The following UGT1A4 variants were observed in gnomAD, a reference collection of about 807,000 sequenced individuals.
UGT1A4 encodes UDP-glucuronosyltransferase 1A4.
UGT1A4 carries 32 observed loss-of-function variants against 41.1 expected under a neutral mutation model. The observed-to-expected ratio is 0.78, with a 90% CI of 0.59 to 1.05. UGT1A4 has a LOEUF of 1.05. Ranked by LOEUF, UGT1A4 falls within the 50% of genes least tolerant of loss-of-function variation. UGT1A4 has a pLI of 0.00. For missense variants in UGT1A4, 748 were observed against 677.4 expected, an observed-to-expected ratio of 1.10 and a Z score of -1.16; for synonymous variants, 283 against 265.1, an observed-to-expected ratio of 1.07 and a Z score of -0.66.
chr2:233,766,580 G>A (rs1699191238), intron 1 of UGT1A4, among the ~76,000 whole-genome samples: 1 of 152,180 alleles, frequency 6.6e-6, no homozygotes, highest in Admixed American at 6.5e-5. Context: ...AGGTCTGGGG[G>A]TGGAGCCCTC....
intron 1 of UGT1A4, chr2:233,760,508 A>T (rs983416663): frequency 5.0e-6 from 8 of 1,614,272 alleles, no homozygotes; most frequent in Non-Finnish European, 6.8e-6. Flanking sequence ...GGAGCATTTT[A>T]CACCTTGAAG....
chr2:233,724,371 C>A (rs1285685419), intron 1 of UGT1A4, among the ~76,000 whole-genome samples: 1 of 147,620 alleles, frequency 6.8e-6, no homozygotes, highest in Non-Finnish European at 1.5e-5. Flanking sequence ...GACGGGGTGG[C>A]TGCCGGGCGG....
At chr2:233,764,440 T>C (rs763083993) in intron 1 of UGT1A4, among the ~76,000 whole-genome samples, 3 of 152,220 alleles carry the variant, frequency 2.0e-5, no homozygotes, top group Non-Finnish European at 2.9e-5. Context: ...TGAACTTTTG[T>C]GCCATTTAAA....
intron 1 of UGT1A4, among the ~76,000 whole-genome samples, chr2:233,757,643 G>T (rs955610345): frequency 6.7e-6 from 1 of 150,102 alleles, no homozygotes; most frequent in Admixed American, 6.6e-5. Context: ...AGAACAAAAT[G>T]CTGTTTTTCT....
In UGT1A4 at chr2:233,767,159, T is replaced by G. The variant is rs1291449017; in HGVS notation, c.993T>G (p.Pro331=). 1.2e-6 allele frequency: 2 copies of G among 1,613,988 alleles called. No homozygotes were observed. Among genetic ancestry groups the G allele is most frequent in the East Asian group, 4.5e-5 (2 of 44,876 alleles). ...TTGCTGATGCTTTGGGCAAAATCCCTCAGACAGTAAGAAGATTCTATACCA... is the reference window on the plus strand; with the variant it reads ...TTGCTGATGCTTTGGGCAAAATCCCGCAGACAGTAAGAAGATTCTATACCA... ...MAIADALGKI[P]QTVLWRYTGT... Residue 331 remains proline (P), a synonymous_variant, in exon 2 of 5, where the codon CCT becomes CCG. Coordinates refer to ENST00000373409, the MANE Select transcript of UGT1A4 (RefSeq NM_007120.3).
chr2:233,718,871 G>A lies in UGT1A4; in HGVS notation c.51G>A (p.Leu17=), dbSNP rs1468501233. ...VPLPRLATGL[L]LLLSVQPWAE... is the part of the protein sequence containing the mutation. ...TGCCGCGGCTGGCCACAGGACTGCT[G>A]CTCCTCCTCAGTGTCCAGCCCTGGG... Residue 17 remains leucine (L), a synonymous_variant, in exon 1 of 5, where the codon CTG becomes CTA. Coordinates refer to ENST00000373409, the MANE Select transcript of UGT1A4 (RefSeq NM_007120.3). The A allele has an allele frequency of 1.9e-6, 3 of 1,613,900 alleles. No homozygotes were observed. The highest frequency in any genetic ancestry group is 2.5e-6 in the Non-Finnish European group (3 of 1,179,936).
intron 1 of UGT1A4, among the ~76,000 whole-genome samples, chr2:233,761,552 A>T (rs1697800499): frequency 6.6e-6 from 1 of 152,250 alleles, no homozygotes; most frequent in Admixed American, 6.5e-5. Context: ...TGATGATGAT[A>T]GATCCTGGAA....
intron 1 of UGT1A4, chr2:233,747,383 G>C: frequency 6.2e-7 from 1 of 1,605,558 alleles, no homozygotes; most frequent in Non-Finnish European, 8.5e-7. Context: ...GAGGCCACCA[G>C]GCGGTGGTCC....
rs4124874 is a variant in UGT1A4, at chr2:233,757,013, T to G, written c.868-10021T>G. On this transcript the variant is annotated intron_variant, in intron 1 of 4. Coordinates refer to ENST00000373409, the MANE Select transcript of UGT1A4 (RefSeq NM_007120.3). ...AAGCTGGCCAAGGGTAGAGTTCAGT[T>G]TGAACAAAGCAATTTGAGAACATCA... Among the ~76,000 whole-genome samples the G allele has an allele frequency of 0.56, 83,838 of 151,034 alleles. 25,476 individuals are homozygous for G. The highest frequency in any genetic ancestry group is 0.82 in the African/African-American group (33,726 of 41,116).
intron 1 of UGT1A4, among the ~76,000 whole-genome samples, chr2:233,734,963 T>C (rs1419315489): frequency 6.6e-6 from 1 of 152,234 alleles, no homozygotes; most frequent in Admixed American, 6.5e-5. Context: ...ATAAGTGTGA[T>C]GTGGTGCTGA....
rs923317009 is a variant in UGT1A4, at chr2:233,730,111, C to T, written c.867+10424C>T. On this transcript the variant is annotated intron_variant, in intron 1 of 4. Transcript: ENST00000373409. ...CTTTCCAAATATTTCATTTCTGCTT[C>T]TCCTTGTCATAATAGCCTTCAGTGA... The T allele has an allele frequency of 2.6e-6, 4 of 1,566,198 alleles. No individual in the cohort carries two copies. In the African/African-American group the frequency reaches 4.1e-5, roughly 16 times the overall value.
chr2:233,731,446 C>G (rs1336068752), intron 1 of UGT1A4, among the ~76,000 whole-genome samples: 3 of 152,132 alleles, frequency 2.0e-5, no homozygotes, highest in Non-Finnish European at 4.4e-5. Flanking sequence ...GTCCCCCACC[C>G]CACAACAGGC....
chr2:233,759,839 C>T (rs1697267219), intron 1 of UGT1A4, among the ~76,000 whole-genome samples: 1 of 152,144 alleles, frequency 6.6e-6, no homozygotes, highest in South Asian at 2.1e-4. Context: ...AGTGGGCACT[C>T]TTACAGGTTT....
At chr2:233,730,892 ACTC>A (rs1261196505) in intron 1 of UGT1A4, among the ~76,000 whole-genome samples, 1 of 151,952 alleles carries the variant, frequency 6.6e-6, no homozygotes, top group African/African-American at 2.4e-5. Context: ...AGTGGGATCT[ACTC>A]CTTTACCAAA....
chr2:233,743,668 G>A (rs898129248), intron 1 of UGT1A4: 18 of 1,367,120 alleles, frequency 1.3e-5, no homozygotes, highest in African/African-American at 4.5e-5. Flanking sequence ...AGGGGTCCTC[G>A]AAGGGCCTGC....
At chr2:233,764,567 G>A (rs1310538826) in intron 1 of UGT1A4, among the ~76,000 whole-genome samples, 3 of 152,182 alleles carry the variant, frequency 2.0e-5, no homozygotes, top group Admixed American at 6.5e-5. Context: ...GCCTGGAGGA[G>A]AACTTAGACT....
chr2:233,721,857 G>A (rs12475934), intron 1 of UGT1A4: 43,430 of 508,934 alleles, frequency 0.085, 2,681 homozygotes, highest in East Asian at 0.2. Context: ...CCCACTGCTC[G>A]GCCCTGGGCA....
chr2:233,745,084 T>A (rs1035924071), intron 1 of UGT1A4, among the ~76,000 whole-genome samples: 1 of 151,944 alleles, frequency 6.6e-6, no homozygotes, highest in African/African-American at 2.4e-5. Flanking sequence ...TTTTCATTGC[T>A]CTTCCCCCCA....
chr2:233,725,068 TCGCAGGCAC>T (rs1237971327), intron 1 of UGT1A4, among the ~76,000 whole-genome samples: 1 of 146,188 alleles, frequency 6.8e-6, no homozygotes, highest in South Asian at 2.4e-4. Context: ...GCGCCTGCAA[TCGCAGGCAC>T]TCGGCAGGCT....
Sources: allele counts gnomAD v4.1 joint callset (sites outside exome capture counted in the v4.1 genomes callset), GRCh38; gene constraint gnomAD v4.1.1; transcripts MANE v1.5; gene names NCBI Gene and HGNC (gene_info 2026-07-23, HGNC 2026-07-21).